The following SIPA1L1 variants were observed in gnomAD, a reference collection of about 807,000 sequenced individuals.
SIPA1L1 encodes signal-induced proliferation-associated 1-like protein 1.
In SIPA1L1, 26 loss-of-function variants were observed where a neutral mutation model predicts 162.7. That is an observed-to-expected ratio of 0.16 (90% CI 0.12 to 0.22). The LOEUF is 0.22. SIPA1L1 is among the 10% of genes least tolerant of loss of function. The pLI is 1.00. For synonymous variants in SIPA1L1, 829 were observed against 837.4 expected, an observed-to-expected ratio of 0.99 and a Z score of 0.17; for missense variants, 1,874 against 2,241.0, an observed-to-expected ratio of 0.84 and a Z score of 3.31.
At chr14:71,590,748 C>A (rs906013031) in intron 5 of SIPA1L1, among the ~76,000 whole-genome samples, 4 of 152,196 alleles carry the variant, frequency 2.6e-5, no homozygotes, top group Admixed American at 2.0e-4. Context: ...CTCTGTTACA[C>A]TGTCCTTTAA....
intron 2 of SIPA1L1, among the ~76,000 whole-genome samples, chr14:71,500,041 A>C (rs1442894154): frequency 6.6e-6 from 1 of 152,298 alleles, no homozygotes; most frequent in South Asian, 2.1e-4. Flanking sequence ...AAACATGCTA[A>C]TATTAGTTGA....
intron 4 of SIPA1L1, among the ~76,000 whole-genome samples, chr14:71,571,300 A>G (rs1374403462): frequency 6.6e-6 from 1 of 152,244 alleles, no homozygotes; most frequent in African/African-American, 2.4e-5. Context: ...TCCAATGAAT[A>G]GAACATTTAC....
chr14:71,608,637 C>A (rs932586769), intron 5 of SIPA1L1, among the ~76,000 whole-genome samples: 5 of 152,138 alleles, frequency 3.3e-5, no homozygotes, highest in Non-Finnish European at 7.4e-5. Context: ...TGGCTCATGT[C>A]TGTAGTCCCA....
intron 6 of SIPA1L1, among the ~76,000 whole-genome samples, chr14:71,622,163 C>T (rs1379779854): frequency 6.6e-6 from 1 of 152,136 alleles, no homozygotes; most frequent in African/African-American, 2.4e-5. Context: ...CTAGTGGCTT[C>T]AGTAAGCGGC....
At chr14:71,321,548 C>G (rs557840178) in intron 2 of SIPA1L1, 2 of 152,362 alleles carry the variant, frequency 1.3e-5, no homozygotes, top group Non-Finnish European at 1.5e-5. Flanking sequence ...GCTTTGCAGC[C>G]TGAGCTGGAG....
chr14:71,422,987 C>T (rs1176695488), intron 2 of SIPA1L1, among the ~76,000 whole-genome samples: 1 of 152,106 alleles, frequency 6.6e-6, no homozygotes, highest in South Asian at 2.1e-4. Context: ...CTTGCCAATA[C>T]GTATTTTCTG....
At chr14:71,545,927 C>T (rs2055145192) in intron 4 of SIPA1L1, among the ~76,000 whole-genome samples, 1 of 151,996 alleles carries the variant, frequency 6.6e-6, no homozygotes, top group Non-Finnish European at 1.5e-5. Flanking sequence ...ACAGTGAGAA[C>T]CCATCTCTAC....
At chr14:71,338,050 C>G (rs926205467) in intron 2 of SIPA1L1, among the ~76,000 whole-genome samples, 7 of 152,184 alleles carry the variant, frequency 4.6e-5, no homozygotes, top group Admixed American at 2.0e-4. Context: ...ATCTTGTCTC[C>G]CTTTTCCCTC....
At chr14:71,466,931 G>A (rs1297291234) in intron 2 of SIPA1L1, among the ~76,000 whole-genome samples, 1 of 152,194 alleles carries the variant, frequency 6.6e-6, no homozygotes, top group African/African-American at 2.4e-5. Flanking sequence ...GGCATGTTAT[G>A]TGAGTGCTTT....
intron 2 of SIPA1L1, among the ~76,000 whole-genome samples, chr14:71,446,901 T>G (rs963790757): frequency 2.4e-4 from 20 of 84,340 alleles, no homozygotes; most frequent in Non-Finnish European, 3.5e-4. Flanking sequence ...TCTGTTTTTT[T>G]TTTTGTTTTT....
chr14:71,677,218 T>C (rs1261416442), intron 12 of SIPA1L1, among the ~76,000 whole-genome samples: 1 of 152,266 alleles, frequency 6.6e-6, no homozygotes, highest in African/African-American at 2.4e-5. Flanking sequence ...ATTTCTCTGA[T>C]GGCCAGTGAT....
Position 71,709,728 on chromosome 14 carries a change from C to A in SIPA1L1, c.4208+64C>A, listed in dbSNP as rs564284284. 3.5e-5 allele frequency: 50 copies of A among 1,411,280 alleles called. 1 individual carries two copies. The South Asian group carries it at 6.7e-4, about 19-fold the overall frequency. The allele number at this position is 1,411,280 out of a possible 1,614,324, so 87.4% of individuals were successfully genotyped here. On this transcript the variant is annotated intron_variant, in intron 17 of 23. Transcript: ENST00000381232. ...CCTAAGCCCAGTTCCCTGGCCTCAG[C>A]CCACTTTACTTTGCTCAATAGTGTA...
At chr14:71,329,451 A>T (rs2034248696) in intron 2 of SIPA1L1, among the ~76,000 whole-genome samples, 1 of 151,422 alleles carries the variant, frequency 6.6e-6, no homozygotes, top group South Asian at 2.1e-4. Context: ...ATTAATAAAA[A>T]ATTTTTCGAG....
In SIPA1L1 at chr14:71,650,582, C is replaced by T. The variant is rs965400502; in HGVS notation, c.1993+73C>T. ...TGCTGTTGTGCATCTGCTAAATTAT[C>T]CGTAAAGCAACATTGCCATTTATCG... is the stretch of plus-strand genomic sequence containing the variant. On this transcript the variant is annotated intron_variant, in intron 8 of 23. Transcript: ENST00000381232. The T allele has an allele frequency of 7.8e-6, 11 of 1,413,856 alleles. No individual in the cohort carries two copies. In the Admixed American group the frequency reaches 1.0e-4, roughly 13 times the overall value. 87.6% of individuals were successfully genotyped at this position (1,413,856 alleles called of 1,614,324 possible).
At chr14:71,568,061 C>T (rs528958363) in intron 4 of SIPA1L1, among the ~76,000 whole-genome samples, 3 of 152,164 alleles carry the variant, frequency 2.0e-5, no homozygotes, top group Non-Finnish European at 4.4e-5. Context: ...GTTTGGCTGG[C>T]TTCTTTATCA....
At chr14:71,595,450 C>T (rs962514561) in intron 5 of SIPA1L1, among the ~76,000 whole-genome samples, 4 of 152,146 alleles carry the variant, frequency 2.6e-5, no homozygotes, top group African/African-American at 9.7e-5. Flanking sequence ...CTCCCAGAAC[C>T]AAATTTGATG....
intron 2 of SIPA1L1, among the ~76,000 whole-genome samples, chr14:71,426,461 A>G (rs961124182): frequency 7.4e-5 from 11 of 148,154 alleles, no homozygotes; most frequent in African/African-American, 2.7e-4. Flanking sequence ...TTCTAAAGTC[A>G]TAATACCCTA....
intron 2 of SIPA1L1, among the ~76,000 whole-genome samples, chr14:71,345,046 TC>T (rs1333118783): frequency 1.3e-5 from 2 of 152,178 alleles, no homozygotes; most frequent in Non-Finnish European, 2.9e-5. Flanking sequence ...CTGAACATTT[TC>T]CCCTGGGTGT....
chr14:71,416,876 G>A lies in SIPA1L1; in HGVS notation c.-465+95695G>A, dbSNP rs569187824. Among the ~76,000 whole-genome samples the A allele has an allele frequency of 3.3e-5, 5 of 152,122 alleles. No homozygotes were observed. In the East Asian group the frequency reaches 7.7e-4, roughly 24 times the overall value. On this transcript the variant is annotated intron_variant, in intron 2 of 23. Transcript: ENST00000381232. ...AGAATATAAATACTGAATTGAATAA[G>A]CATACTTTTTTCTTTTCCTTTAAAC...
Sources: gnomAD v4.1 joint callset for allele counts (sites outside exome capture counted in the v4.1 genomes callset) on GRCh38, gnomAD v4.1.1 for gene constraint, MANE v1.5 for transcripts, NCBI Gene and HGNC (gene_info 2026-07-23, HGNC 2026-07-21) for gene names.